C8A: variants seen among roughly 807,000 people sequenced by gnomAD.
The protein encoded by C8A is complement C8 alpha chain.
In C8A, 67 loss-of-function variants were observed where a neutral mutation model predicts 65.3. The observed-to-expected ratio is 1.03, with a 90% CI of 0.84 to 1.26. The LOEUF is 1.26. Ranked by LOEUF, C8A falls within the 50% of genes most tolerant of loss-of-function variation. The probability of loss-of-function intolerance (pLI) is 0.00; values close to 1 mark genes in which losing one functional copy is unlikely to be tolerated. For synonymous variants in C8A, 290 were observed against 259.4 expected, an observed-to-expected ratio of 1.12 and a Z score of -1.13; for missense variants, 781 against 723.9, an observed-to-expected ratio of 1.08 and a Z score of -0.90.
intron 9 of C8A, 89 bp downstream of exon 9, chr1:56,908,202 C>T: frequency 1.4e-6 from 2 of 1,398,442 alleles, no homozygotes; most frequent in Non-Finnish European, 2.0e-6. Context: ...TATTATGAGC[C>T]CATCAAAGAA....
chr1:56,881,399 A>G, intron 4 of C8A, 46 bp from the exon 5 acceptor site: 2 of 1,599,478 alleles, frequency 1.3e-6, no homozygotes, highest in East Asian at 4.5e-5. Flanking sequence ...CCAGGTATAA[A>G]ACCCAGCATC....
At chr1:56,875,187 G>T (rs2269118) in intron 3 of C8A, 94 bp downstream of exon 3, 1 of 1,424,548 alleles carries the variant, frequency 7.0e-7, no homozygotes, top group African/African-American at 1.4e-5. Context: ...ATACTCCTGA[G>T]CCCTTCCTCT....
intron 10 of C8A, among the ~76,000 whole-genome samples, chr1:56,916,650 A>G (rs962973740): frequency 1.3e-5 from 2 of 152,176 alleles, no homozygotes; most frequent in Non-Finnish European, 2.9e-5. Flanking sequence ...CTTCAAATAG[A>G]GCAGCTCCAC....
intron 1 of C8A, among the ~76,000 whole-genome samples, chr1:56,855,793 T>C (rs1045149349): frequency 6.6e-6 from 1 of 152,144 alleles, no homozygotes; most frequent in African/African-American, 2.4e-5. Flanking sequence ...TGATGCAATT[T>C]TGAATCATTA....
chr1:56,889,814 A>G (rs1480818982), intron 7 of C8A, among the ~76,000 whole-genome samples: 1 of 152,096 alleles, frequency 6.6e-6, no homozygotes, highest in Non-Finnish European at 1.5e-5. Context: ...TTTAGATCAC[A>G]TGCTTCTCCC....
chr1:56,885,923 G>A lies in C8A; in HGVS notation c.856-4G>A, dbSNP rs768609847. The A allele has an allele frequency of 6.2e-7, 1 of 1,613,674 alleles. No homozygotes were observed. Among genetic ancestry groups the A allele is most frequent in the Non-Finnish European group, 8.5e-7 (1 of 1,179,874 alleles). Reference sequence around the variant, plus strand: ...TTGCTTTATTCAATGGCGGTTGCTGGCAGAAATTCATTTTCACAAGAATCT... The same window carrying A: ...TTGCTTTATTCAATGGCGGTTGCTGACAGAAATTCATTTTCACAAGAATCT... On this transcript the variant is annotated splice_polypyrimidine_tract_variant and splice_region_variant and intron_variant, in intron 6 of 10. Transcript: ENST00000361249.
rs774826683 is a variant in C8A at position 56,912,634 on chromosome 1, C to T, written c.1603+9C>T. ...GCAAACACAGACAGAAGGTAAGGTCCGTGCATCCCCACCCAGTTCCAGCCT... is the reference window on the plus strand; with the variant it reads ...GCAAACACAGACAGAAGGTAAGGTCTGTGCATCCCCACCCAGTTCCAGCCT... On this transcript the variant is annotated intron_variant, in intron 10 of 10. Coordinates refer to ENST00000361249, the MANE Select transcript of C8A (RefSeq NM_000562.3). 1.7e-5 allele frequency: 28 copies of T among 1,612,328 alleles called. No homozygotes were observed. Among genetic ancestry groups the T allele is most frequent in the Middle Eastern group, 1.7e-4 (1 of 5,802 alleles).
chr1:56,916,149 G>A (rs1644549433), intron 10 of C8A, among the ~76,000 whole-genome samples: 1 of 152,204 alleles, frequency 6.6e-6, no homozygotes, highest in African/African-American at 2.4e-5. Context: ...GTGGGTATCA[G>A]AGAAGGTGTG....
At chr1:56,900,420 T>A (rs1644418150) in intron 7 of C8A, among the ~76,000 whole-genome samples, 2 of 152,164 alleles carry the variant, frequency 1.3e-5, no homozygotes, top group Non-Finnish European at 2.9e-5. Flanking sequence ...ATTCCCGTTT[T>A]AAAGATTGGG....
intron 7 of C8A, among the ~76,000 whole-genome samples, chr1:56,902,551 A>C (rs1313146605): frequency 6.6e-6 from 1 of 152,168 alleles, no homozygotes; most frequent in East Asian, 1.9e-4. Flanking sequence ...CAACTTTAAC[A>C]GTACAATACA....
rs369518355 is a variant in C8A at position 56,854,994 on chromosome 1, G to A, written c.77+16G>A. The A allele has an allele frequency of 6.2e-6, 10 of 1,604,810 alleles. No individual in the cohort carries two copies. The highest frequency in any genetic ancestry group is 1.3e-5 in the African/African-American group (1 of 74,728). On this transcript the variant is annotated intron_variant, in intron 1 of 10. Transcript: ENST00000361249. ...AGGTGAACCAGTAAGTGGGCCATAT[G>A]TCTCTGCAAAACTTGCACGTAGGAA...
intron 6 of C8A, among the ~76,000 whole-genome samples, chr1:56,885,357 T>A (rs187413517): frequency 4.7e-5 from 4 of 84,560 alleles, no homozygotes; most frequent in East Asian, 4.3e-4. Context: ...TATATATTTA[T>A]GTAAATATAT....
At chr1:56,900,364 A>G (rs1287759783) in intron 7 of C8A, among the ~76,000 whole-genome samples, 1 of 152,198 alleles carries the variant, frequency 6.6e-6, no homozygotes, top group Non-Finnish European at 1.5e-5. Flanking sequence ...TGAAGACCTA[A>G]TTGTGCCAGA....
chr1:56,909,840 A>T (rs1327762957), intron 9 of C8A, among the ~76,000 whole-genome samples: 1 of 151,984 alleles, frequency 6.6e-6, no homozygotes, highest in Non-Finnish European at 1.5e-5. Flanking sequence ...GGTAAATGTC[A>T]GTTGAAGAAA....
chr1:56,876,956 A>T (rs1644204284), intron 4 of C8A, among the ~76,000 whole-genome samples: 1 of 152,170 alleles, frequency 6.6e-6, no homozygotes, highest in Non-Finnish European at 1.5e-5. Context: ...TCCCAATGTG[A>T]CTGAATTAGG....
chr1:56,915,548 G>A (rs992578645), intron 10 of C8A, among the ~76,000 whole-genome samples: 3 of 152,164 alleles, frequency 2.0e-5, no homozygotes, highest in Non-Finnish European at 2.9e-5. Context: ...CATTGGCCAG[G>A]CAGCATTCCC....
chr1:56,867,362 C>T (rs1644100718), intron 1 of C8A, among the ~76,000 whole-genome samples: 2 of 152,146 alleles, frequency 1.3e-5, no homozygotes, highest in Non-Finnish European at 2.9e-5. Context: ...ATATTCTTCT[C>T]TCTAAAATTA....
chr1:56,903,882 A>G (rs536470205), intron 7 of C8A, among the ~76,000 whole-genome samples: 4 of 152,196 alleles, frequency 2.6e-5, no homozygotes, highest in Non-Finnish European at 5.9e-5. Flanking sequence ...GATGATCTCA[A>G]TGTACAGCCT....
rs1342440 is a variant in C8A, at chr1:56,917,642, G to C, written c.1681G>C (p.Glu561Gln). The stretch of plus-strand genomic sequence containing the variant: ...AGCAGGCATCCAGGAAAGGAGAAGA[G>C]AGTGTGACAATCCAGCACCTCAGAA... ...CRAGIQERRRECDNPAPQNGG... is the reference protein window; with the variant it reads ...CRAGIQERRRQCDNPAPQNGG... The change falls in exon 11 of 11, where the codon GAG becomes CAG. Residue 561 changes from glutamate (E) to glutamine (Q), a missense_variant. Transcript: ENST00000361249. 0.062 allele frequency: 100,116 copies of C among 1,614,138 alleles called. 4,774 individuals carry two copies. The highest frequency in any genetic ancestry group is 0.22 in the African/African-American group (16,577 of 75,010).
Sources: gnomAD v4.1 joint callset for allele counts (sites outside exome capture counted in the v4.1 genomes callset) on GRCh38, gnomAD v4.1.1 for gene constraint, MANE v1.5 for transcripts, NCBI Gene and HGNC (gene_info 2026-07-23, HGNC 2026-07-21) for gene names.